ADCY2: variants seen among roughly 807,000 people sequenced by gnomAD.
ADCY2 encodes the protein adenylate cyclase 2, also known as adenylate cyclase type 2.
ADCY2 carries 31 observed loss-of-function variants against 125.2 expected under a neutral mutation model. The ratio of observed to expected loss-of-function variants is 0.25; its 90% CI spans 0.19 to 0.33. The LOEUF is 0.33. Among genes scored for constraint, ADCY2 ranks in the 10% least tolerant of loss-of-function variants. ADCY2 has a pLI of 1.00. For synonymous variants in ADCY2, 512 were observed against 548.4 expected, an observed-to-expected ratio of 0.93 and a Z score of 0.93; for missense variants, 904 against 1,418.2, an observed-to-expected ratio of 0.64 and a Z score of 5.82.
At position 7,766,667 on chromosome 5, in the gene ADCY2, A is replaced by G. The variant is rs765814187; in HGVS notation, c.2095-20A>G. 6 of 1,609,540 alleles carry G rather than the reference A, an allele frequency of 3.7e-6. No individual in the cohort carries two copies. In the Admixed American group the frequency reaches 1.0e-4, roughly 27 times the overall value. ...AATCTAATTTACATTAATTCATTGA[A>G]AAAAACCTTCTCTTTGCAGTTTTTC... On this transcript the variant is annotated intron_variant, in intron 16 of 24. Transcript: ENST00000338316.
intron 4 of ADCY2, among the ~76,000 whole-genome samples, chr5:7,640,164 A>G (rs1342651587): frequency 6.6e-6 from 1 of 152,212 alleles, no homozygotes; most frequent in East Asian, 1.9e-4. Context: ...TGATAAGTAC[A>G]GTACTTAACA....
intron 15 of ADCY2, among the ~76,000 whole-genome samples, chr5:7,745,486 G>A (rs1235991544): frequency 6.6e-6 from 1 of 152,216 alleles, no homozygotes; most frequent in East Asian, 1.9e-4. Flanking sequence ...GGGTTGTATA[G>A]AGGAGGGAAG....
chr5:7,724,500 A>G (rs1741872422), intron 12 of ADCY2, 45 bp from the exon 13 acceptor site: 1 of 1,429,056 alleles, frequency 7.0e-7, no homozygotes, highest in Non-Finnish European at 9.8e-7. Flanking sequence ...CAGATGTTTG[A>G]TTGGAGATTC....
intron 16 of ADCY2, among the ~76,000 whole-genome samples, chr5:7,759,326 G>A (rs1743118740): frequency 6.6e-6 from 1 of 152,198 alleles, no homozygotes; most frequent in Non-Finnish European, 1.5e-5. Flanking sequence ...ACTGAAAGGT[G>A]CCACCACAGC....
chr5:7,796,064 AT>A (rs1744410382), intron 20 of ADCY2: 1 of 152,206 alleles, frequency 6.6e-6, no homozygotes. Flanking sequence ...AGGTCTACCT[AT>A]AAGCCAAAAA....
chr5:7,450,631 T>C (rs1293647700), intron 2 of ADCY2, among the ~76,000 whole-genome samples: 2 of 152,192 alleles, frequency 1.3e-5, no homozygotes, highest in Non-Finnish European at 2.9e-5. Context: ...ATTTTCAAAG[T>C]AGACAAAATA....
intron 3 of ADCY2, among the ~76,000 whole-genome samples, chr5:7,544,013 C>CAAAA (rs57983443): frequency 7.1e-5 from 5 of 70,702 alleles, no homozygotes; most frequent in South Asian, 6.5e-4. Flanking sequence ...GACTCCGTCT[C>CAAAA]AAAAAAAAAA....
chr5:7,588,465 A>G (rs1442016086), intron 3 of ADCY2, among the ~76,000 whole-genome samples: 2 of 152,234 alleles, frequency 1.3e-5, no homozygotes, highest in Non-Finnish European at 2.9e-5. Context: ...TAAACCAGAC[A>G]TGGTATCTAA....
intron 2 of ADCY2, among the ~76,000 whole-genome samples, chr5:7,509,124 G>A (rs573038406): frequency 7.6e-4 from 115 of 152,240 alleles, no homozygotes; most frequent in African/African-American, 2.6e-3. Context: ...TTGGAAATAG[G>A]GCTTCACTCT....
chr5:7,747,825 G>GTAC (rs112136496), intron 15 of ADCY2, among the ~76,000 whole-genome samples: 3 of 152,292 alleles, frequency 2.0e-5, no homozygotes, highest in African/African-American at 7.2e-5. Flanking sequence ...TTTGTTCATT[G>GTAC]TACTACTTCA....
chr5:7,701,272 TA>T (rs1741068210), intron 7 of ADCY2, among the ~76,000 whole-genome samples: 2 of 152,236 alleles, frequency 1.3e-5, no homozygotes, highest in Middle Eastern at 3.4e-3. Context: ...CACATTGGAT[TA>T]AAGAATCCAC....
Position 7,454,201 on chromosome 5 carries a change from A to G in ADCY2, c.408+39431A>G, listed in dbSNP as rs73737385. On this transcript the variant is annotated intron_variant, in intron 2 of 24. Coordinates refer to ENST00000338316, the MANE Select transcript of ADCY2 (RefSeq NM_020546.3). ...TGTCAACACTGAGGCAAGACCTTTC[A>G]TCAGCAAAAAGTTTATGACTTGCTC... Among the ~76,000 whole-genome samples, 198 of 152,296 alleles carry G rather than the reference A, an allele frequency of 1.3e-3. 1 individual carries two copies. The highest frequency in any genetic ancestry group is 4.3e-3 in the African/African-American group (179 of 41,550).
At chr5:7,525,544 T>C (rs996232547) in intron 3 of ADCY2, among the ~76,000 whole-genome samples, 2 of 152,152 alleles carry the variant, frequency 1.3e-5, no homozygotes, top group African/African-American at 4.8e-5. Context: ...CTGACTTTTT[T>C]TCTTTTTCTT....
chr5:7,743,834 A>G, intron 15 of ADCY2, 82 bp downstream of exon 15: 2 of 1,371,180 alleles, frequency 1.5e-6, no homozygotes, highest in Non-Finnish European at 2.1e-6. Context: ...TTTCCAAAAC[A>G]AGGAGCTTAT....
chr5:7,501,654 C>CCG lies in ADCY2; in HGVS notation c.409-19083_409-19082insGC, dbSNP rs1554014561. Among the ~76,000 whole-genome samples, 7 of 98,060 alleles carry CCG rather than the reference C, an allele frequency of 7.1e-5. 1 individual carries two copies. The highest frequency in any genetic ancestry group is 1.0e-4 in the African/African-American group (3 of 29,104). 64.3% of individuals were successfully genotyped at this position (98,060 alleles called of 152,430 possible). A position where few individuals can be genotyped will look rare whatever the true frequency, so the allele number is the denominator to read the frequency against. On this transcript the variant is annotated intron_variant, in intron 2 of 24. Coordinates refer to ENST00000338316, the MANE Select transcript of ADCY2 (RefSeq NM_020546.3). ...AGAATGAGATTCCCCCCTCCCCCCCCCCCCGCCAGTAACTTCAAGTTATGT... is the reference window on the plus strand; with the variant it reads ...AGAATGAGATTCCCCCCTCCCCCCCCCGCCCCGCCAGTAACTTCAAGTTATGT...
At chr5:7,397,188 G>A (rs1314053668) in intron 1 of ADCY2, among the ~76,000 whole-genome samples, 4 of 152,282 alleles carry the variant, frequency 2.6e-5, no homozygotes, top group African/African-American at 7.2e-5. Flanking sequence ...AAGAAGTAAC[G>A]TGTTTAGGGT....
At chr5:7,593,470 G>T (rs1046631283) in intron 3 of ADCY2, among the ~76,000 whole-genome samples, 7 of 152,136 alleles carry the variant, frequency 4.6e-5, no homozygotes, top group African/African-American at 1.7e-4. Flanking sequence ...AACCCCATGA[G>T]CGTATTCATT....
chr5:7,550,137 T>G (rs1196521680), intron 3 of ADCY2, among the ~76,000 whole-genome samples: 1 of 152,138 alleles, frequency 6.6e-6, no homozygotes, highest in Non-Finnish European at 1.5e-5. Context: ...TAAAATTCTC[T>G]CTATTGAATT....
chr5:7,419,759 G>T (rs1740119870), intron 2 of ADCY2, among the ~76,000 whole-genome samples: 1 of 152,150 alleles, frequency 6.6e-6, no homozygotes, highest in African/African-American at 2.4e-5. Flanking sequence ...CTCATATAAG[G>T]TTAACTCTAA....
Sources: allele counts gnomAD v4.1 joint callset (sites outside exome capture counted in the v4.1 genomes callset), GRCh38; gene constraint gnomAD v4.1.1; transcripts MANE v1.5; gene names NCBI Gene and HGNC (gene_info 2026-07-23, HGNC 2026-07-21).